GALNTL6: variants seen among roughly 807,000 people sequenced by gnomAD.
GALNTL6 encodes polypeptide N-acetylgalactosaminyltransferase like 6.
Under a neutral mutation model 73.7 loss-of-function variants are expected in GALNTL6, and 46 were observed. That is an observed-to-expected ratio of 0.62 (90% confidence interval 0.49 to 0.80). The LOEUF (loss-of-function observed/expected upper bound fraction) is 0.80. GALNTL6 is among the 30% of genes least tolerant of loss of function. The pLI is 0.00. For missense variants in GALNTL6, 604 were observed against 755.0 expected, an observed-to-expected ratio of 0.80 and a Z score of 2.34; for synonymous variants, 259 against 263.7, an observed-to-expected ratio of 0.98 and a Z score of 0.17.
At chr4:173,017,404 A>G (rs1752825909) in intron 11 of GALNTL6, among the ~76,000 whole-genome samples, 1 of 152,236 alleles carries the variant, frequency 6.6e-6, no homozygotes, top group Admixed American at 6.5e-5. Flanking sequence ...TCACAATGAC[A>G]TTACCCAAAG....
intron 2 of GALNTL6, among the ~76,000 whole-genome samples, chr4:172,149,140 G>A (rs1229063061): frequency 6.6e-6 from 1 of 152,182 alleles, no homozygotes; most frequent in Non-Finnish European, 1.5e-5. Context: ...AATAGAAACT[G>A]TTTATTGTAA....
chr4:172,293,242 T>C (rs1397052631), intron 3 of GALNTL6, among the ~76,000 whole-genome samples: 1 of 152,168 alleles, frequency 6.6e-6, no homozygotes, highest in Non-Finnish European at 1.5e-5. Flanking sequence ...TTCTATCCTC[T>C]CATTTTTCCT....
At chr4:172,660,376 G>A (rs908260003) in intron 5 of GALNTL6, among the ~76,000 whole-genome samples, 1 of 152,094 alleles carries the variant, frequency 6.6e-6, no homozygotes, top group Non-Finnish European at 1.5e-5. Flanking sequence ...TCCCTCAAGG[G>A]GCAAAAGGCA....
At chr4:171,899,559 C>T (rs756414306) in intron 2 of GALNTL6, among the ~76,000 whole-genome samples, 1 of 152,074 alleles carries the variant, frequency 6.6e-6, no homozygotes, top group Admixed American at 6.6e-5. Context: ...GTTACAGACT[C>T]CATTTTGAGA....
rs140602286 is a variant in GALNTL6 at position 171,936,604 on chromosome 4, A to C, written c.138+121886A>C. On this transcript the variant is annotated intron_variant, in intron 2 of 12. Transcript: ENST00000506823. ...AGCATTCATTTGTGCCTGCAAGTTA[A>C]CAGTACCATTCTTCCCATAAAAGGG... is the stretch of plus-strand genomic sequence containing the variant. 4.6e-3 allele frequency among the ~76,000 whole-genome samples: 696 copies of C among 152,250 alleles called. 8 individuals carry two copies. The highest frequency in any genetic ancestry group is 0.016 in the African/African-American group (663 of 41,546).
At chr4:172,613,513 A>T (rs1050201345) in intron 5 of GALNTL6, among the ~76,000 whole-genome samples, 1 of 152,116 alleles carries the variant, frequency 6.6e-6, no homozygotes, top group South Asian at 2.1e-4. Flanking sequence ...GAGATGTCAT[A>T]GAAAGCCTCA....
chr4:172,290,789 T>C (rs72982464), intron 3 of GALNTL6, among the ~76,000 whole-genome samples: 1,762 of 151,802 alleles, frequency 0.012, 37 homozygotes, highest in African/African-American at 0.041. Context: ...ATTTGGAAAG[T>C]GGATGCTACA....
intron 5 of GALNTL6, among the ~76,000 whole-genome samples, chr4:172,424,618 C>G (rs780469672): frequency 6.6e-6 from 1 of 152,112 alleles, no homozygotes; most frequent in Non-Finnish European, 1.5e-5. Context: ...AGCGGCTGCT[C>G]CATGCAGTTA....
intron 2 of GALNTL6, among the ~76,000 whole-genome samples, chr4:172,185,329 T>C (rs1272957157): frequency 6.6e-6 from 1 of 152,192 alleles, no homozygotes; most frequent in Non-Finnish European, 1.5e-5. Flanking sequence ...CCAAAAAGGA[T>C]ATTATTTCCT....
At chr4:172,215,030 T>C (rs1459859823) in intron 2 of GALNTL6, among the ~76,000 whole-genome samples, 3 of 151,178 alleles carry the variant, frequency 2.0e-5, no homozygotes, top group South Asian at 2.1e-4. Context: ...ATGTACAGTA[T>C]AGAAATGTGT....
intron 5 of GALNTL6, among the ~76,000 whole-genome samples, chr4:172,637,326 G>A (rs1315902129): frequency 6.6e-6 from 1 of 152,050 alleles, no homozygotes; most frequent in Non-Finnish European, 1.5e-5. Context: ...TATTTATCAA[G>A]CTAACACAGT....
intron 5 of GALNTL6, among the ~76,000 whole-genome samples, chr4:172,746,568 A>G (rs1737118985): frequency 6.6e-6 from 1 of 151,974 alleles, no homozygotes; most frequent in South Asian, 2.1e-4. Flanking sequence ...AATAGTTAAT[A>G]TTTTGCAGTT....
At chr4:172,977,336 G>T (rs1274418273) in intron 10 of GALNTL6, among the ~76,000 whole-genome samples, 1 of 152,194 alleles carries the variant, frequency 6.6e-6, no homozygotes, top group Non-Finnish European at 1.5e-5. Flanking sequence ...GAGAGGCACT[G>T]CCAAAATTTA....
At chr4:172,115,057 T>C (rs1213440083) in intron 2 of GALNTL6, among the ~76,000 whole-genome samples, 5 of 152,108 alleles carry the variant, frequency 3.3e-5, no homozygotes. Flanking sequence ...CATAATGAGA[T>C]TTCATTGTGA....
At chr4:172,136,775 A>T (rs1673947587) in intron 2 of GALNTL6, among the ~76,000 whole-genome samples, 1 of 152,068 alleles carries the variant, frequency 6.6e-6, no homozygotes, top group South Asian at 2.1e-4. Flanking sequence ...AGAATGAGTA[A>T]GATCATTTTC....
At chr4:172,679,068 A>G (rs932146849) in intron 5 of GALNTL6, among the ~76,000 whole-genome samples, 1 of 152,168 alleles carries the variant, frequency 6.6e-6, no homozygotes, top group Non-Finnish European at 1.5e-5. Context: ...ATTCCATTGA[A>G]TTTTCTCATG....
intron 5 of GALNTL6, among the ~76,000 whole-genome samples, chr4:172,679,192 G>A (rs1003379851): frequency 1.3e-5 from 2 of 152,092 alleles, no homozygotes; most frequent in African/African-American, 2.4e-5. Flanking sequence ...TGGGCAGATC[G>A]CCTGAGGCCA....
chr4:172,470,019 A>G (rs1732987481), intron 5 of GALNTL6, among the ~76,000 whole-genome samples: 1 of 152,356 alleles, frequency 6.6e-6, no homozygotes, highest in African/African-American at 2.4e-5. Context: ...GAAATGGCAG[A>G]CAATAATGAG....
intron 2 of GALNTL6, among the ~76,000 whole-genome samples, chr4:171,903,279 G>T (rs1054938829): frequency 2.0e-5 from 3 of 152,056 alleles, no homozygotes; most frequent in Admixed American, 1.3e-4. Context: ...CAGGTCAGTG[G>T]GTGCGCGCAC....
Sources: gnomAD v4.1 joint callset for allele counts (sites outside exome capture counted in the v4.1 genomes callset) on GRCh38, gnomAD v4.1.1 for gene constraint, MANE v1.5 for transcripts, NCBI Gene and HGNC (gene_info 2026-07-23, HGNC 2026-07-21) for gene names.